LRRC53: variants seen among roughly 807,000 people sequenced by gnomAD.
LRRC53 encodes leucine rich repeat containing 53, also known as leucine-rich repeat-containing protein 53.
A neutral mutation model predicts 13.6 loss-of-function variants in LRRC53; 25 were observed. The observed-to-expected ratio is 1.83, with a 90% confidence interval of 1.34 to 2.56. The LOEUF (loss-of-function observed/expected upper bound fraction) is 2.56, where lower values mean the gene tolerates loss of function less well. Ranked by LOEUF, LRRC53 falls within the 30% of genes most tolerant of loss-of-function variation. The probability of loss-of-function intolerance (pLI) is 0.00; values close to 1 mark genes in which losing one functional copy is unlikely to be tolerated. For missense variants in LRRC53, 527 were observed against 275.8 expected, an observed-to-expected ratio of 1.91 and a Z score of -6.45; for synonymous variants, 204 against 109.8, an observed-to-expected ratio of 1.86 and a Z score of -5.37.
At chr1:74,530,449 G>A in the LRRC53 span, among the ~76,000 whole-genome samples, 7 of 152,152 alleles carry the variant, frequency 4.6e-5, no homozygotes, top group Non-Finnish European at 8.8e-5. Context: ...TGTAAGTTTT[G>A]TAAAGTATCG....
intron 1 of LRRC53, among the ~76,000 whole-genome samples, chr1:74,486,201 A>AAGAGAGAGAGAGAG (rs58506314): frequency 0.031 from 4,276 of 136,352 alleles, 114 homozygotes; most frequent in East Asian, 0.055. Flanking sequence ...AAATGCTATA[A>AAGAGAGAGAGAGAG]AGAGAGAGAG....
chr1:74,507,223 A>ACAC (rs1669949998), intron 1 of LRRC53, among the ~76,000 whole-genome samples: 1 of 120,328 alleles, frequency 8.3e-6, no homozygotes, highest in Non-Finnish European at 1.7e-5. Flanking sequence ...AAATTTCTTC[A>ACAC]CCCCCCCCCC....
chr1:74,480,879 C>T lies in LRRC53; in HGVS notation c.178G>A (p.Ala60Thr), dbSNP rs2100256854. 1 of 717,320 alleles carries T rather than the reference C, an allele frequency of 1.4e-6. No individual in the cohort carries two copies. Among genetic ancestry groups the T allele is most frequent in the Admixed American group, 2.0e-5 (1 of 50,002 alleles). 44.4% of individuals were successfully genotyped at this position (717,320 alleles called of 1,614,324 possible). The change falls in exon 3 of 5, where the codon GCC becomes ACC. Residue 60 changes from alanine to threonine, a missense_variant. Ala to Thr is a moderately conservative substitution (Grantham distance 58). Coordinates refer to ENST00000294635, the MANE Select transcript of LRRC53 (RefSeq NM_001382280.1). ...CCATTTCTGCTTAGGGAGAGCAGGG[C>T]AAGATTAAACAAGAGAGACAGGTTT... ...STNLSLLFNL[A>T]LLSLSRNGIE... is the part of the protein sequence containing the mutation.
chr1:74,523,216 G>A, the LRRC53 span, among the ~76,000 whole-genome samples: 1 of 152,096 alleles, frequency 6.6e-6, no homozygotes, highest in South Asian at 2.1e-4. Context: ...GATTAAATAA[G>A]GAATTGTATG....
chr1:74,512,945 A>G (rs1477066436), upstream of LRRC53, among the ~76,000 whole-genome samples: 2 of 152,168 alleles, frequency 1.3e-5, no homozygotes, highest in Non-Finnish European at 2.9e-5. Context: ...ATCCGGGTAA[A>G]TGGCTCACCG....
In LRRC53 at chr1:74,471,726, T is replaced by C; in HGVS notation, c.1896A>G (p.Ala632=). ...LSGLSTKTKK[A]YSPKRVIFHD... is the part of the protein sequence containing the mutation. ...GGAAGATAACCCTCTTTGGGGAATA[T>C]GCTTTCTTGGTTTTTGTTGATAATC... The change falls in exon 5 of 5, where the codon GCA becomes GCG. Residue 632 remains alanine (A), a synonymous_variant. Transcript: ENST00000294635. 5.0e-6 allele frequency: 2 copies of C among 403,122 alleles called. No homozygotes were observed. The highest frequency in any genetic ancestry group is 8.8e-6 in the Non-Finnish European group (2 of 227,856). 25.0% of individuals were successfully genotyped at this position (403,122 alleles called of 1,614,324 possible). A position where few individuals can be genotyped will look rare whatever the true frequency, so the allele number is the denominator to read the frequency against.
intron 1 of LRRC53, among the ~76,000 whole-genome samples, chr1:74,483,941 T>C (rs1011861255): frequency 1.3e-5 from 2 of 152,200 alleles, no homozygotes; most frequent in African/African-American, 4.8e-5. Context: ...AAGCTCTACT[T>C]AGCTTTGAAT....
At chr1:74,517,391 C>G (rs1190237625), upstream of LRRC53, among the ~76,000 whole-genome samples, 1 of 152,180 alleles carries the variant, frequency 6.6e-6, no homozygotes, top group Non-Finnish European at 1.5e-5. Context: ...GGCATTAGCT[C>G]CTCACTGATT....
At chr1:74,510,890 C>CT (rs1195105886) in intron 1 of LRRC53, among the ~76,000 whole-genome samples, 4 of 152,098 alleles carry the variant, frequency 2.6e-5, no homozygotes, top group South Asian at 2.1e-4. Context: ...ACTGAATATG[C>CT]TTTTTTTCTT....
rs144507273 is a variant in LRRC53, at chr1:74,492,173, G to A, written c.-26-8798C>T. The A allele has an allele frequency of 1.4e-5, 22 of 1,613,218 alleles. No homozygotes were observed. The African/African-American group carries it at 2.8e-4, about 21-fold the overall frequency. ...TCTTCTGATTGCCTGGTGAACCGGG[G>A]AGGACCTGGCCGGAGTCATGTGGCA... On this transcript the variant is annotated intron_variant, in intron 1 of 4. Transcript: ENST00000294635.
At chr1:74,475,000 G>A (rs1668117315) in intron 4 of LRRC53, among the ~76,000 whole-genome samples, 1 of 5,454 alleles carries the variant, frequency 1.8e-4, no homozygotes, top group East Asian at 5.3e-3. Flanking sequence ...TATTTAAAAG[G>A]CTACTTTTTT....
intron 1 of LRRC53, chr1:74,489,162 G>GA (rs944483618): frequency 6.3e-7 from 1 of 1,595,400 alleles, no homozygotes; most frequent in African/African-American, 1.4e-5. Flanking sequence ...ATTCTTAAGG[G>GA]AAAAAAGTTC....
chr1:74,496,584 T>A (rs891567354), intron 1 of LRRC53, among the ~76,000 whole-genome samples: 1 of 152,094 alleles, frequency 6.6e-6, no homozygotes, highest in Non-Finnish European at 1.5e-5. Context: ...TTTATGGGGT[T>A]TTTGGTTGTT....
At chr1:74,499,566 A>G (rs1422445626) in intron 1 of LRRC53, among the ~76,000 whole-genome samples, 1 of 152,196 alleles carries the variant, frequency 6.6e-6, no homozygotes, top group Non-Finnish European at 1.5e-5. Flanking sequence ...ATTATACTGT[A>G]TATTGGATTC....
At chr1:74,521,595 G>A in the LRRC53 span, among the ~76,000 whole-genome samples, 22 of 151,888 alleles carry the variant, frequency 1.4e-4, no homozygotes, top group East Asian at 3.9e-4. Flanking sequence ...CTTTTTCTGC[G>A]TTCCTTTATT....
intron 1 of LRRC53, among the ~76,000 whole-genome samples, chr1:74,507,233 C>CA (rs1669954850): frequency 7.1e-6 from 1 of 140,912 alleles, no homozygotes; most frequent in South Asian, 2.6e-4. Context: ...ACCCCCCCCC[C>CA]ATCTTTTTAA....
chr1:74,489,315 G>A lies in LRRC53; in HGVS notation c.-26-5940C>T, dbSNP rs1035056866. ...TGCATATCCAAGGCTGTCAGGGAAT[G>A]TAGATGAGCTGGTGCTTATGAAAAG... On this transcript the variant is annotated intron_variant, in intron 1 of 4. Transcript: ENST00000294635. The A allele has an allele frequency of 5.3e-6, 8 of 1,519,866 alleles. No individual in the cohort carries two copies. The African/African-American group carries it at 7.0e-5, about 13-fold the overall frequency. The allele number at this position is 1,519,866 out of a possible 1,614,324, so 94.1% of individuals were successfully genotyped here.
At chr1:74,517,381 G>A (rs185454536), upstream of LRRC53, among the ~76,000 whole-genome samples, 4 of 152,186 alleles carry the variant, frequency 2.6e-5, no homozygotes, top group East Asian at 7.7e-4. Context: ...AAAATTTTCT[G>A]GCATTAGCTC....
upstream of LRRC53, among the ~76,000 whole-genome samples, chr1:74,517,598 G>A (rs1570731370): frequency 6.6e-6 from 1 of 152,166 alleles, no homozygotes; most frequent in Admixed American, 6.5e-5. Flanking sequence ...TGTGTGCTAA[G>A]CATTATGTAT....
Sources: allele counts gnomAD v4.1 joint callset (sites outside exome capture counted in the v4.1 genomes callset), GRCh38; gene constraint gnomAD v4.1.1; transcripts MANE v1.5; gene names NCBI Gene and HGNC (gene_info 2026-07-23, HGNC 2026-07-21).